The following CNOT4 variants were observed in gnomAD, a reference collection of about 807,000 sequenced individuals.
The protein encoded by CNOT4 is CCR4-NOT transcription complex subunit 4.
A neutral mutation model predicts 73.8 loss-of-function variants in CNOT4; 8 were observed. The observed-to-expected ratio is 0.11, with a 90% confidence interval of 0.06 to 0.20. The LOEUF (loss-of-function observed/expected upper bound fraction) is 0.20, where lower values mean the gene tolerates loss of function less well. Ranked by LOEUF, CNOT4 falls within the 10% of genes least tolerant of loss-of-function variation. The pLI is 1.00. For synonymous variants in CNOT4, 293 were observed against 321.1 expected (o/e 0.91, Z 0.94); for missense variants, 564 against 883.4 (o/e 0.64, Z 4.58).
intron 1 of CNOT4, among the ~76,000 whole-genome samples, chr7:135,458,028 A>G (rs1433683979): frequency 6.6e-6 from 1 of 152,092 alleles, no homozygotes; most frequent in Non-Finnish European, 1.5e-5. Flanking sequence ...CATTTGTTTC[A>G]AAGTTTTTGC....
At chr7:135,406,636 A>G (rs1040891970) in intron 7 of CNOT4, among the ~76,000 whole-genome samples, 5 of 152,160 alleles carry the variant, frequency 3.3e-5, no homozygotes, top group Admixed American at 6.5e-5. Context: ...GCTCCAGCCC[A>G]GGTGACAGCA....
intron 1 of CNOT4, among the ~76,000 whole-genome samples, chr7:135,491,156 T>C (rs956742172): frequency 6.6e-6 from 1 of 152,086 alleles, no homozygotes; most frequent in Non-Finnish European, 1.5e-5. Context: ...ACATGTTGAG[T>C]GTGAGATGTT....
At chr7:135,397,068 C>A (rs1219896427) in intron 8 of CNOT4, among the ~76,000 whole-genome samples, 1 of 151,954 alleles carries the variant, frequency 6.6e-6, no homozygotes, top group Non-Finnish European at 1.5e-5. Flanking sequence ...TCTGTGACCG[C>A]AAAAACATTA....
At position 135,445,332 on chromosome 7, in the gene CNOT4, CA is replaced by C. The variant is rs1464781387; in HGVS notation, c.-92-6910del. Among the ~76,000 whole-genome samples, 3 of 152,172 alleles carry C rather than the reference CA, an allele frequency of 2.0e-5. No homozygotes were observed. In the East Asian group the frequency reaches 5.8e-4, roughly 29 times the overall value. On this transcript the variant is annotated intron_variant, in intron 1 of 11. Transcript: ENST00000541284. ...TGGACAAAGGGAAATACTCTTAATTCATGAATAAAAACTTTGTAGAAAATTA... is the reference window on the plus strand; with the variant it reads ...TGGACAAAGGGAAATACTCTTAATTCTGAATAAAAACTTTGTAGAAAATTA...
chr7:135,377,859 A>C (rs1479335710), intron 10 of CNOT4, among the ~76,000 whole-genome samples: 3 of 152,218 alleles, frequency 2.0e-5, no homozygotes, highest in South Asian at 2.1e-4. Flanking sequence ...CAAAAGAAGG[A>C]AGGCAAAAAA....
chr7:135,451,011 G>A (rs988978983), intron 1 of CNOT4, among the ~76,000 whole-genome samples: 2 of 152,000 alleles, frequency 1.3e-5, no homozygotes, highest in African/African-American at 4.8e-5. Context: ...TAACATGAAT[G>A]GTAAAATTTC....
intron 1 of CNOT4, among the ~76,000 whole-genome samples, chr7:135,469,069 T>C (rs1801407981): frequency 3.3e-5 from 5 of 152,106 alleles, no homozygotes; most frequent in Admixed American, 3.3e-4. Flanking sequence ...TGACAAATAA[T>C]CTGTCAGGAG....
chr7:135,481,324 AT>A (rs1271284703), intron 1 of CNOT4, among the ~76,000 whole-genome samples: 3 of 152,180 alleles, frequency 2.0e-5, no homozygotes. Flanking sequence ...CAACAAGTAT[AT>A]GAAAAAAATG....
At position 135,419,029 on chromosome 7, in the gene CNOT4, G is replaced by C. The variant is rs17168429; in HGVS notation, c.372+3127C>G. On this transcript the variant is annotated intron_variant, in intron 3 of 11. Coordinates refer to ENST00000541284, the MANE Select transcript of CNOT4 (RefSeq NM_001190850.2). ...TATCTAGCAAATAGTAGGTATTCAA[G>C]AATTAATTTGCAGAATAAATGAATT... Among the ~76,000 whole-genome samples the C allele has an allele frequency of 4.5e-3, 686 of 151,810 alleles. 12 individuals are homozygous for C. The highest frequency in any genetic ancestry group is 0.016 in the African/African-American group (660 of 41,372).
intron 1 of CNOT4, among the ~76,000 whole-genome samples, chr7:135,462,993 C>T (rs1302579241): frequency 6.6e-6 from 1 of 152,178 alleles, no homozygotes; most frequent in Non-Finnish European, 1.5e-5. Flanking sequence ...CAATCTTTTC[C>T]CCACTGCTTG....
In CNOT4 at chr7:135,440,216, C is replaced by G. The variant is rs1307336982; in HGVS notation, c.-92-1793G>C. Among the ~76,000 whole-genome samples, 12 of 94,818 alleles carry G rather than the reference C, an allele frequency of 1.3e-4. No individual in the cohort carries two copies. The Admixed American group carries it at 1.3e-3, about 10-fold the overall frequency. The allele number at this position is 94,818 out of a possible 152,430, so 62.2% of individuals were successfully genotyped here. On this transcript the variant is annotated intron_variant, in intron 1 of 11. Coordinates refer to ENST00000541284, the MANE Select transcript of CNOT4 (RefSeq NM_001190850.2). ...ATCCTACAAAGCAGTAAGACACAGA[C>G]AAGTTAAAAAAAAAAAAAAAAGAGA...
chr7:135,428,485 G>T (rs1054817647), intron 2 of CNOT4, among the ~76,000 whole-genome samples: 6 of 151,936 alleles, frequency 3.9e-5, no homozygotes, highest in Non-Finnish European at 5.9e-5. Context: ...TACCTACAGG[G>T]TATAATAATC....
At chr7:135,467,582 G>A (rs1268728488) in intron 1 of CNOT4, among the ~76,000 whole-genome samples, 1 of 152,102 alleles carries the variant, frequency 6.6e-6, no homozygotes, top group Non-Finnish European at 1.5e-5. Flanking sequence ...GCATGGTGAC[G>A]TGCATGTGTA....
At chr7:135,407,602 G>A (rs1280109201) in intron 7 of CNOT4, among the ~76,000 whole-genome samples, 2 of 152,222 alleles carry the variant, frequency 1.3e-5, no homozygotes. Flanking sequence ...GGTGGTAGGA[G>A]ATCCAATACA....
chr7:135,501,309 T>C (rs1033667759), intron 1 of CNOT4, among the ~76,000 whole-genome samples: 1 of 152,182 alleles, frequency 6.6e-6, no homozygotes, highest in Non-Finnish European at 1.5e-5. Context: ...GAGGCTGTTA[T>C]TGGAGTAATC....
chr7:135,368,504 C>T (rs1585540617), intron 10 of CNOT4, among the ~76,000 whole-genome samples: 1 of 152,148 alleles, frequency 6.6e-6, no homozygotes, highest in African/African-American at 2.4e-5. Context: ...TCAACAACTA[C>T]ATCTGAAAAA....
intron 1 of CNOT4, among the ~76,000 whole-genome samples, chr7:135,439,210 A>T (rs1799333028): frequency 6.6e-6 from 1 of 152,330 alleles, no homozygotes; most frequent in South Asian, 2.1e-4. Context: ...TCACTACTTT[A>T]AGTTAAAATC....
At chr7:135,374,916 G>C (rs771487686) in intron 10 of CNOT4, among the ~76,000 whole-genome samples, 44 of 152,222 alleles carry the variant, frequency 2.9e-4, no homozygotes, top group Admixed American at 1.0e-3. Flanking sequence ...TATGATACTT[G>C]GTCTGGCAAC....
At chr7:135,393,338 G>A (rs1307441820) in intron 10 of CNOT4, among the ~76,000 whole-genome samples, 1 of 152,018 alleles carries the variant, frequency 6.6e-6, no homozygotes, top group Admixed American at 6.6e-5. Flanking sequence ...ATCTTTCCTT[G>A]AACAATTTCT....
Sources: gnomAD v4.1 joint callset for allele counts (sites outside exome capture counted in the v4.1 genomes callset) on GRCh38, gnomAD v4.1.1 for gene constraint, MANE v1.5 for transcripts, NCBI Gene and HGNC (gene_info 2026-07-23, HGNC 2026-07-21) for gene names.